FMN2: variants seen among roughly 807,000 people sequenced by gnomAD.
The protein encoded by FMN2 is formin-2.
Under a neutral mutation model 142.3 loss-of-function variants are expected in FMN2, and 51 were observed. The ratio of observed to expected loss-of-function variants is 0.36; its 90% CI spans 0.29 to 0.45. FMN2 has a LOEUF of 0.45. Ranked by LOEUF, FMN2 falls within the 20% of genes least tolerant of loss-of-function variation. The probability of loss-of-function intolerance (pLI) is 1.00; values close to 1 mark genes in which losing one functional copy is unlikely to be tolerated. For missense variants in FMN2, 1,936 were observed against 2,122.8 expected (o/e 0.91, Z 1.73); for synonymous variants, 882 against 869.8 (o/e 1.01, Z -0.25).
chr1:240,404,239 G>A (rs575383482), intron 15 of FMN2, among the ~76,000 whole-genome samples: 1 of 152,200 alleles, frequency 6.6e-6, no homozygotes, highest in Non-Finnish European at 1.5e-5. Context: ...CTTTTAGAGT[G>A]TCAGTTTGTA....
At chr1:240,186,022 A>G (rs1438149457) in intron 3 of FMN2, among the ~76,000 whole-genome samples, 1 of 152,204 alleles carries the variant, frequency 6.6e-6, no homozygotes, top group South Asian at 2.1e-4. Context: ...GATTAGCTCA[A>G]TGATATGCTA....
At chr1:240,205,362 T>G (rs1666294142) in intron 4 of FMN2, among the ~76,000 whole-genome samples, 1 of 152,132 alleles carries the variant, frequency 6.6e-6, no homozygotes, top group African/African-American at 2.4e-5. Context: ...CCTATGTTTG[T>G]TTGTCTTCCT....
chr1:240,134,044 T>C (rs1662841680), intron 2 of FMN2, among the ~76,000 whole-genome samples: 1 of 152,206 alleles, frequency 6.6e-6, no homozygotes, highest in Admixed American at 6.5e-5. Context: ...TCTAATAATC[T>C]CTGGAGTTGT....
intron 14 of FMN2, among the ~76,000 whole-genome samples, chr1:240,358,555 G>A (rs1248208091): frequency 6.6e-6 from 1 of 152,154 alleles, no homozygotes; most frequent in Non-Finnish European, 1.5e-5. Flanking sequence ...CACGTCTGGG[G>A]AGGCCTCAGG....
chr1:240,366,678 A>G lies in FMN2; in HGVS notation c.4858+10770A>G, dbSNP rs1033230511. Among the ~76,000 whole-genome samples, 3 of 151,760 alleles carry G rather than the reference A, an allele frequency of 2.0e-5. No homozygotes were observed. In the East Asian group the frequency reaches 5.8e-4, roughly 29 times the overall value. ...TCAGCCTTCCAAGTTCAGCCTTCCAAGTAGCTGGGATTACAGGCATGAGTC... is the reference window on the plus strand; with the variant it reads ...TCAGCCTTCCAAGTTCAGCCTTCCAGGTAGCTGGGATTACAGGCATGAGTC... On this transcript the variant is annotated intron_variant, in intron 14 of 17. Transcript: ENST00000319653.
chr1:240,349,626 G>A (rs1388446130), intron 13 of FMN2, among the ~76,000 whole-genome samples: 2 of 152,194 alleles, frequency 1.3e-5, no homozygotes, highest in Non-Finnish European at 2.9e-5. Flanking sequence ...TGGCATGGAT[G>A]TATTGGAACC....
chr1:240,412,003 G>T (rs945253899), intron 15 of FMN2, among the ~76,000 whole-genome samples: 1 of 152,096 alleles, frequency 6.6e-6, no homozygotes, highest in African/African-American at 2.4e-5. Context: ...GAGAGTCCAC[G>T]TGATCACCTT....
chr1:240,147,765 G>C (rs1243229930), intron 2 of FMN2, among the ~76,000 whole-genome samples: 1 of 152,166 alleles, frequency 6.6e-6, no homozygotes, highest in Admixed American at 6.5e-5. Context: ...TTAGCTACCT[G>C]CTGGCTAGGT....
intron 14 of FMN2, among the ~76,000 whole-genome samples, chr1:240,372,526 T>G (rs1184191986): frequency 6.6e-6 from 1 of 151,012 alleles, no homozygotes; most frequent in Non-Finnish European, 1.5e-5. Flanking sequence ...ATTATATATT[T>G]TGTATATATT....
At chr1:240,179,179 C>T (rs1572025863) in intron 3 of FMN2, 1 of 152,072 alleles carries the variant, frequency 6.6e-6, no homozygotes, top group African/African-American at 2.4e-5. Flanking sequence ...TGCCTAGCTC[C>T]GTGTATTTAA....
At chr1:240,457,145 A>G (rs563182487) in intron 16 of FMN2, among the ~76,000 whole-genome samples, 2 of 152,258 alleles carry the variant, frequency 1.3e-5, no homozygotes, top group African/African-American at 2.4e-5. Flanking sequence ...GGCAGGCCAG[A>G]CCCTTCACAC....
intron 6 of FMN2, chr1:240,245,355 T>C: frequency 2.6e-6 from 1 of 388,854 alleles, no homozygotes. Flanking sequence ...ACCCGTACTC[T>C]CTGGGAGGAA....
intron 2 of FMN2, among the ~76,000 whole-genome samples, chr1:240,169,157 C>T (rs150544137): frequency 4.6e-5 from 7 of 152,276 alleles, no homozygotes; most frequent in East Asian, 1.9e-4. Flanking sequence ...ACTCCATCTC[C>T]GTCTCAAACA....
chr1:240,225,906 G>A (rs1023806354), intron 6 of FMN2, among the ~76,000 whole-genome samples: 3 of 152,064 alleles, frequency 2.0e-5, no homozygotes, highest in African/African-American at 7.2e-5. Flanking sequence ...TAACCAAAAT[G>A]GGAAAAAATT....
At chr1:240,218,244 T>C (rs1666976938) in intron 6 of FMN2, among the ~76,000 whole-genome samples, 1 of 121,240 alleles carries the variant, frequency 8.2e-6, no homozygotes, top group Admixed American at 1.1e-4. Flanking sequence ...GATTGCACCA[T>C]TGCACTCCAG....
intron 1 of FMN2, among the ~76,000 whole-genome samples, chr1:240,103,891 T>G (rs1157663594): frequency 6.6e-6 from 1 of 151,942 alleles, no homozygotes; most frequent in Non-Finnish European, 1.5e-5. Flanking sequence ...TTATTATTTT[T>G]TTTTGTGACG....
intron 2 of FMN2, among the ~76,000 whole-genome samples, chr1:240,134,922 A>T (rs1662878975): frequency 6.6e-6 from 1 of 152,048 alleles, no homozygotes; most frequent in South Asian, 2.1e-4. Context: ...CGGGGAGGTA[A>T]CTGCAAATTG....
At chr1:240,409,174 A>C (rs1572277460) in intron 15 of FMN2, among the ~76,000 whole-genome samples, 2 of 152,078 alleles carry the variant, frequency 1.3e-5, no homozygotes, top group Admixed American at 1.3e-4. Context: ...ACATAGTATC[A>C]CTTTGCTGCC....
rs775540478 is a variant in FMN2, at chr1:240,123,295, T to C, written c.1732T>C (p.Phe578Leu). The C allele has an allele frequency of 6.2e-7, 1 of 1,614,150 alleles. No individual in the cohort carries two copies. Among genetic ancestry groups the C allele is most frequent in the East Asian group, 2.2e-5 (1 of 44,858 alleles). Residue 578 changes from phenylalanine (F) to leucine (L), a missense_variant, in exon 2 of 18, where the codon TTC (phenylalanine) becomes CTC (leucine). Physicochemically the swap from Phe to Leu is conservative, Grantham distance 22. Coordinates refer to ENST00000319653, the MANE Select transcript of FMN2 (RefSeq NM_020066.5). ...TCTTCTCCTTCCTTTTAGTGATTGC[T>C]TCAGGGAACCGTGTAATCAGAATGC... The part of the protein sequence containing the change: ...MGLLLPFSDC[F>L]REPCNQNAQT...
Sources: allele counts gnomAD v4.1 joint callset (sites outside exome capture counted in the v4.1 genomes callset), GRCh38; gene constraint gnomAD v4.1.1; transcripts MANE v1.5; gene names NCBI Gene and HGNC (gene_info 2026-07-23, HGNC 2026-07-21).